ECT2L: variants seen among roughly 807,000 people sequenced by gnomAD.
The protein encoded by ECT2L is epithelial cell transforming 2 like.
A neutral mutation model predicts 122.8 loss-of-function variants in ECT2L; 126 were observed. The observed-to-expected ratio is 1.03, with a 90% CI of 0.89 to 1.19. ECT2L has a LOEUF of 1.19. Among genes scored for constraint, ECT2L ranks in the 50% most tolerant of loss-of-function variants. The probability of loss-of-function intolerance (pLI) is 0.00; values close to 1 mark genes in which losing one functional copy is unlikely to be tolerated. For synonymous variants in ECT2L, 385 were observed against 381.8 expected (o/e 1.01, Z -0.10); for missense variants, 1,012 against 1,064.1 (o/e 0.95, Z 0.68).
intron 20 of ECT2L, among the ~76,000 whole-genome samples, chr6:138,894,632 T>C (rs573824113): frequency 8.9e-4 from 136 of 152,306 alleles, no homozygotes; most frequent in African/African-American, 3.1e-3. Flanking sequence ...CAATTGTTCC[T>C]GGGCTGCCTC....
At position 138,846,591 on chromosome 6, in the gene ECT2L, C is replaced by T. The variant is rs1028425898; in HGVS notation, c.817C>T (p.His273Tyr). 1 of 1,610,648 alleles carries T rather than the reference C, an allele frequency of 6.2e-7. No individual in the cohort carries two copies. The highest frequency in any genetic ancestry group is 1.7e-5 in the Admixed American group (1 of 59,262). ...SYPLLSKKNW[H>Y]GVHKNDDRSS... The stretch of plus-strand genomic sequence containing the variant: ...CCCTTTATTATCAAAGAAAAATTGG[C>T]ATGGAGTTCATAAAAATGATGACAG... The change falls in exon 8 of 22, where the codon CAT becomes TAT. Residue 273 changes from histidine (H) to tyrosine (Y), a missense_variant. Physicochemically the swap from His to Tyr is moderately conservative, Grantham distance 83. Transcript: ENST00000541398.
chr6:138,812,053 A>G (rs549085683), intron 1 of ECT2L, among the ~76,000 whole-genome samples: 1 of 152,302 alleles, frequency 6.6e-6, no homozygotes, highest in South Asian at 2.1e-4. Context: ...CTGTCTCAAA[A>G]GAAGGAAAAG....
At chr6:138,876,240 T>C (rs1360395785) in intron 13 of ECT2L, among the ~76,000 whole-genome samples, 3 of 152,154 alleles carry the variant, frequency 2.0e-5, no homozygotes, top group Non-Finnish European at 4.4e-5. Context: ...CTACGCTGGA[T>C]TTAGTTCTCA....
chr6:138,884,637 CA>C (rs1487494959), intron 16 of ECT2L, among the ~76,000 whole-genome samples: 1 of 149,516 alleles, frequency 6.7e-6, no homozygotes, highest in African/African-American at 2.5e-5. Flanking sequence ...GACTCTGTCT[CA>C]AAAAAACAAA....
intron 20 of ECT2L, among the ~76,000 whole-genome samples, chr6:138,889,306 T>C (rs562502349): frequency 6.6e-6 from 1 of 152,144 alleles, no homozygotes; most frequent in Non-Finnish European, 1.5e-5. Context: ...ATTCTAAAGG[T>C]TGGTCACTTT....
chr6:138,862,594 A>T (rs1314237179), intron 10 of ECT2L, 33 bp from the exon 11 acceptor site: 1 of 1,585,234 alleles, frequency 6.3e-7, no homozygotes, highest in South Asian at 1.1e-5. Flanking sequence ...AAAATATATG[A>T]GGAAACTAAC....
At chr6:138,849,828 A>T (rs1389340209) in intron 9 of ECT2L, among the ~76,000 whole-genome samples, 1 of 152,182 alleles carries the variant, frequency 6.6e-6, no homozygotes, top group Non-Finnish European at 1.5e-5. Flanking sequence ...GGCTGGGATT[A>T]CAGGGGTGAG....
Position 138,862,768 on chromosome 6 carries a change from C to G in ECT2L, c.1291+49C>G, listed in dbSNP as rs759850807. On this transcript the variant is annotated intron_variant, in intron 11 of 21. Transcript: ENST00000541398. Reference sequence around the variant, plus strand: ...CCACGTCCAATAACACAAGCCAACTCCAGAATCACCAAAAGACAAAATCCA... The same window carrying G: ...CCACGTCCAATAACACAAGCCAACTGCAGAATCACCAAAAGACAAAATCCA... The G allele has an allele frequency of 2.7e-6, 4 of 1,475,826 alleles. No individual in the cohort carries two copies. The African/African-American group carries it at 5.5e-5, about 20-fold the overall frequency. The allele number at this position is 1,475,826 out of a possible 1,614,324, so 91.4% of individuals were successfully genotyped here. A position where few individuals can be genotyped will look rare whatever the true frequency, so the allele number is the denominator to read the frequency against.
intron 10 of ECT2L, among the ~76,000 whole-genome samples, chr6:138,857,349 T>A (rs1311145336): frequency 6.6e-6 from 1 of 152,174 alleles, no homozygotes; most frequent in Non-Finnish European, 1.5e-5. Flanking sequence ...GGGTCCCACC[T>A]AGAGTTTCAG....
chr6:138,807,303 C>A (rs1361879258), intron 1 of ECT2L, among the ~76,000 whole-genome samples: 2 of 152,056 alleles, frequency 1.3e-5, no homozygotes, highest in African/African-American at 4.8e-5. Flanking sequence ...AAATTTGCCC[C>A]AAAACTAAAC....
intron 1 of ECT2L, among the ~76,000 whole-genome samples, chr6:138,798,565 T>A (rs1775422860): frequency 6.6e-6 from 1 of 152,210 alleles, no homozygotes. Flanking sequence ...CTTATTATTC[T>A]ACCATATCAC....
chr6:138,812,431 A>G (rs1048104724), intron 1 of ECT2L, among the ~76,000 whole-genome samples: 2 of 152,208 alleles, frequency 1.3e-5, no homozygotes, highest in Non-Finnish European at 2.9e-5. Flanking sequence ...ACATTAGCCT[A>G]TTTTATTTTT....
At chr6:138,891,727 A>C (rs1562495803) in intron 20 of ECT2L, among the ~76,000 whole-genome samples, 1 of 152,198 alleles carries the variant, frequency 6.6e-6, no homozygotes, top group East Asian at 1.9e-4. Flanking sequence ...CTGTAACCCA[A>C]CCATCTTGGG....
intron 11 of ECT2L, 149 bp downstream of exon 11, chr6:138,862,868 A>C (rs1421715383): frequency 1.8e-6 from 1 of 565,752 alleles, no homozygotes; most frequent in East Asian, 2.9e-5. Context: ...TTAGTTCCCA[A>C]ACTAGGTAAT....
chr6:138,829,664 G>C (rs1776580646), intron 4 of ECT2L, among the ~76,000 whole-genome samples: 1 of 151,908 alleles, frequency 6.6e-6, no homozygotes, highest in Admixed American at 6.6e-5. Flanking sequence ...TGCAGTTCTT[G>C]TTGTCCTTAA....
chr6:138,864,252 G>A (rs924473401), intron 11 of ECT2L, among the ~76,000 whole-genome samples: 1 of 152,082 alleles, frequency 6.6e-6, no homozygotes, highest in Admixed American at 6.5e-5. Context: ...AACCCGGGAG[G>A]CGAAGGTTGC....
At chr6:138,814,744 CTTTTCCAGTGCCTGCT>C in intron 4 of ECT2L, 141 bp downstream of exon 4, 1 of 548,020 alleles carries the variant, frequency 1.8e-6, no homozygotes, top group South Asian at 2.9e-5. Context: ...TATAAACAGA[CTTTTCCAGTGCCTGCT>C]TTTGCCTTGA....
intron 6 of ECT2L, 38 bp downstream of exon 6, chr6:138,843,269 A>G (rs954878150): frequency 6.6e-6 from 10 of 1,505,570 alleles, no homozygotes; most frequent in Middle Eastern, 2.0e-4. Flanking sequence ...TTAGGTAAAT[A>G]TTGTAGACAC....
At chr6:138,887,384 G>A (rs562777477) in intron 19 of ECT2L, among the ~76,000 whole-genome samples, 4 of 151,960 alleles carry the variant, frequency 2.6e-5, no homozygotes, top group Non-Finnish European at 5.9e-5. Context: ...CCACCACCAC[G>A]CCCAGCTAAT....
Sources: gnomAD v4.1 joint callset for allele counts (sites outside exome capture counted in the v4.1 genomes callset) on GRCh38, gnomAD v4.1.1 for gene constraint, MANE v1.5 for transcripts, NCBI Gene and HGNC (gene_info 2026-07-23, HGNC 2026-07-21) for gene names.